Variants in NRXN1 observed in about 807,000 individuals in gnomAD.
NRXN1 encodes the protein neurexin-1.
A neutral mutation model predicts 150.9 loss-of-function variants in NRXN1; 39 were observed. That is an observed-to-expected ratio of 0.26 (90% CI 0.20 to 0.34). NRXN1 has a LOEUF of 0.34. NRXN1 is among the 10% of genes least tolerant of loss of function. The pLI is 1.00. For missense variants in NRXN1, 1,815 were observed against 1,949.9 expected, an observed-to-expected ratio of 0.93 and a Z score of 1.30; for synonymous variants, 924 against 757.0, an observed-to-expected ratio of 1.22 and a Z score of -3.62.
intron 5 of NRXN1, among the ~76,000 whole-genome samples, chr2:50,841,540 C>T (rs530334051): frequency 4.6e-5 from 7 of 152,228 alleles, no homozygotes; most frequent in African/African-American, 1.2e-4. Context: ...CCTTTATTTG[C>T]GTTATGTAAA....
intron 2 of NRXN1, among the ~76,000 whole-genome samples, chr2:50,998,542 A>G (rs1699619935): frequency 6.6e-6 from 1 of 152,080 alleles, no homozygotes; most frequent in Admixed American, 6.6e-5. Flanking sequence ...AGGTCTTCAA[A>G]AAGGAACTTT....
chr2:50,582,418 T>C (rs1316142659), intron 8 of NRXN1, among the ~76,000 whole-genome samples: 1 of 135,452 alleles, frequency 7.4e-6, no homozygotes, highest in Non-Finnish European at 1.5e-5. Context: ...GAGGCAGAGG[T>C]TGCAGTGAGC....
chr2:50,773,134 T>C (rs986587766), intron 5 of NRXN1, among the ~76,000 whole-genome samples: 7 of 152,158 alleles, frequency 4.6e-5, no homozygotes, highest in African/African-American at 1.4e-4. Context: ...CCTGTTTCTA[T>C]ACAGCAGTCA....
chr2:50,964,712 T>G (rs140236941), intron 2 of NRXN1, among the ~76,000 whole-genome samples: 1 of 151,536 alleles, frequency 6.6e-6, no homozygotes, highest in East Asian at 1.9e-4. Context: ...GTGGCAGATA[T>G]TCATAAATGC....
intron 5 of NRXN1, among the ~76,000 whole-genome samples, chr2:50,872,112 C>T (rs995358329): frequency 2.0e-5 from 3 of 151,822 alleles, no homozygotes; most frequent in Non-Finnish European, 2.9e-5. Flanking sequence ...TCTTTTTCCC[C>T]TTTATGTGTG....
At chr2:50,767,081 C>G (rs1341939800) in intron 5 of NRXN1, among the ~76,000 whole-genome samples, 1 of 151,954 alleles carries the variant, frequency 6.6e-6, no homozygotes, top group Non-Finnish European at 1.5e-5. Flanking sequence ...CAAGGAGCCC[C>G]GTATGCTGAA....
chr2:50,384,294 C>T (rs2081167850), intron 17 of NRXN1, among the ~76,000 whole-genome samples: 2 of 151,988 alleles, frequency 1.3e-5, no homozygotes, highest in Admixed American at 1.3e-4. Context: ...ATCACGAGGT[C>T]AGGAGATTGA....
chr2:50,339,737 G>GTCC (rs1421848768), intron 17 of NRXN1, among the ~76,000 whole-genome samples: 2 of 152,098 alleles, frequency 1.3e-5, no homozygotes, highest in Non-Finnish European at 2.9e-5. Flanking sequence ...TTTGAGAACA[G>GTCC]TCCTCATTTA....
At chr2:49,992,449 G>A (rs1442158398) in intron 21 of NRXN1, among the ~76,000 whole-genome samples, 1 of 151,234 alleles carries the variant, frequency 6.6e-6, no homozygotes, top group Admixed American at 6.6e-5. Flanking sequence ...GCATGGTGGT[G>A]TATGCCTATA....
chr2:50,691,167 T>C (rs1692017587), intron 5 of NRXN1, among the ~76,000 whole-genome samples: 1 of 152,188 alleles, frequency 6.6e-6, no homozygotes, highest in Non-Finnish European at 1.5e-5. Flanking sequence ...GAGTTATGCA[T>C]CGTTGATTTT....
At chr2:50,791,906 A>C (rs1160484891) in intron 5 of NRXN1, among the ~76,000 whole-genome samples, 3 of 152,108 alleles carry the variant, frequency 2.0e-5, no homozygotes, top group African/African-American at 4.8e-5. Context: ...CTCTAAAAGC[A>C]TACATTTCTG....
intron 8 of NRXN1, among the ~76,000 whole-genome samples, chr2:50,576,116 AAT>A (rs952920747): frequency 1.3e-5 from 2 of 152,300 alleles, no homozygotes; most frequent in South Asian, 2.1e-4. Flanking sequence ...TTCATTTGAA[AAT>A]ATGTTTCCAT....
chr2:50,979,039 G>T (rs1696360081), intron 2 of NRXN1, among the ~76,000 whole-genome samples: 1 of 152,030 alleles, frequency 6.6e-6, no homozygotes, highest in East Asian at 1.9e-4. Flanking sequence ...TAACTCATAT[G>T]TCCCAACTCT....
chr2:50,901,108 G>A (rs556660392), intron 5 of NRXN1, among the ~76,000 whole-genome samples: 4 of 151,996 alleles, frequency 2.6e-5, no homozygotes, highest in African/African-American at 9.6e-5. Context: ...GTTAATGCTT[G>A]TTTCATACCA....
chr2:50,539,981 GCCCTGATGTGC>G (rs1440268536), intron 9 of NRXN1, among the ~76,000 whole-genome samples: 1 of 152,290 alleles, frequency 6.6e-6, no homozygotes, highest in East Asian at 1.9e-4. Flanking sequence ...AAGGCTGTGG[GCCCTGATGTGC>G]CCAGGAGTAT....
rs143620158 is a variant in NRXN1, at chr2:50,581,210, C to T, written c.1321-28185G>A. 4.9e-3 allele frequency among the ~76,000 whole-genome samples: 741 copies of T among 152,294 alleles called. 5 individuals carry two copies. The highest frequency in any genetic ancestry group is 0.017 in the African/African-American group (690 of 41,564). Reference sequence around the variant, plus strand: ...TGAATTCTATTGTCTGGCACTCAAACATATATGCTGAATGGATTTATAATT... The same window carrying T: ...TGAATTCTATTGTCTGGCACTCAAATATATATGCTGAATGGATTTATAATT... On this transcript the variant is annotated intron_variant, in intron 8 of 22. Transcript: ENST00000401669.
At chr2:50,383,182 A>G (rs1002239265) in intron 17 of NRXN1, among the ~76,000 whole-genome samples, 1 of 152,128 alleles carries the variant, frequency 6.6e-6, no homozygotes, top group Non-Finnish European at 1.5e-5. Context: ...CTGGTATACT[A>G]TTGTGAGGAT....
intron 17 of NRXN1, among the ~76,000 whole-genome samples, chr2:50,289,536 T>C (rs914771474): frequency 5.8e-4 from 89 of 152,274 alleles, no homozygotes; most frequent in African/African-American, 2.1e-3. Context: ...GAAACTGATA[T>C]ATTTGCTAAA....
At chr2:50,995,364 G>A (rs1052577572) in intron 2 of NRXN1, among the ~76,000 whole-genome samples, 9 of 152,056 alleles carry the variant, frequency 5.9e-5, no homozygotes, top group Middle Eastern at 3.4e-3. Context: ...TTGTGAGGCC[G>A]AGGTGGGTGG....
Sources: gnomAD v4.1 joint callset for allele counts (sites outside exome capture counted in the v4.1 genomes callset) on GRCh38, gnomAD v4.1.1 for gene constraint, MANE v1.5 for transcripts, NCBI Gene and HGNC (gene_info 2026-07-23, HGNC 2026-07-21) for gene names.